TRIM27: variants seen among roughly 807,000 people sequenced by gnomAD.
TRIM27 encodes the protein zinc finger protein RFP.
Under a neutral mutation model 57.6 loss-of-function variants are expected in TRIM27, and 12 were observed. The observed-to-expected ratio is 0.21, with a 90% confidence interval of 0.13 to 0.34. TRIM27 has a LOEUF of 0.34. Among genes scored for constraint, TRIM27 ranks in the 10% least tolerant of loss-of-function variants. TRIM27 has a pLI of 1.00. For missense variants in TRIM27, 403 were observed against 656.8 expected, an observed-to-expected ratio of 0.61 and a Z score of 4.22; for synonymous variants, 266 against 259.0, an observed-to-expected ratio of 1.03 and a Z score of -0.26.
intron 3 of TRIM27, among the ~76,000 whole-genome samples, chr6:28,913,269 A>AATATAT (rs1219781094): frequency 1.5e-5 from 2 of 135,582 alleles, no homozygotes; most frequent in African/African-American, 5.8e-5. Flanking sequence ...AAAAAAAAAA[A>AATATAT]ATATATATAT....
In TRIM27 at chr6:28,904,284, T is replaced by G; in HGVS notation, c.1328A>C (p.Asp443Ala). The G allele has an allele frequency of 6.2e-7, 1 of 1,613,054 alleles. No individual in the cohort carries two copies. Among genetic ancestry groups the G allele is most frequent in the Non-Finnish European group, 8.5e-7 (1 of 1,180,000 alleles). Residue 443 changes from aspartate to alanine, a missense_variant, in exon 8 of 8, where the codon GAT becomes GCT. Physicochemically the swap from Asp to Ala is moderately radical, Grantham distance 126 (BLOSUM62 -2). Transcript: ENST00000377199. This position sits in a 1 kb window ranked among gnomAD's most constrained non-coding sequence, Gnocchi z 6.1. ...GTTGTAGAAGGAGACCTCACCAGCA[T>G]CATAGTCCAAGAAAATCCCCACCCG... Reference protein sequence around the residue: ...LQRVGIFLDYDAGEVSFYNVT... With the variant: ...LQRVGIFLDYAAGEVSFYNVT...
rs1010075911 is a variant in TRIM27, at chr6:28,920,113, T to C, written c.646A>G (p.Asn216Asp). The C allele has an allele frequency of 6.2e-7, 1 of 1,614,208 alleles. No homozygotes were observed. The highest frequency in any genetic ancestry group is 8.5e-7 in the Non-Finnish European group (1 of 1,180,020). ...ELDLAIYNSI[N>D]GAITQFSCNI... ...CAAGAGAACTGGGTGATGGCACCAT[T>C]GATGCTATTGTAGATGGCCAAGTCT... The change falls in exon 3 of 8, where the codon AAT (asparagine) becomes GAT (aspartate). Residue 216 changes from asparagine (N) to aspartate (D), a missense_variant. Physicochemically the swap from Asn to Asp is conservative, Grantham distance 23 (BLOSUM62 1). Coordinates refer to ENST00000377199, the MANE Select transcript of TRIM27 (RefSeq NM_006510.5).
chr6:28,907,147 AAG>A, intron 7 of TRIM27, 87 bp downstream of exon 7: 7 of 1,265,190 alleles, frequency 5.5e-6, no homozygotes, highest in Non-Finnish European at 7.8e-6. Flanking sequence ...ATCCAAATCT[AAG>A]CAATTTCCAA....
At chr6:28,913,733 T>C (rs1045374985) in intron 3 of TRIM27, among the ~76,000 whole-genome samples, 1 of 152,130 alleles carries the variant, frequency 6.6e-6, no homozygotes, top group African/African-American at 2.4e-5. Flanking sequence ...GCAATTTATG[T>C]CTTTTGCAGC....
intron 6 of TRIM27, 74 bp downstream of exon 6, chr6:28,908,734 T>C (rs769561746): frequency 1.0e-5 from 15 of 1,468,388 alleles, no homozygotes; most frequent in Non-Finnish European, 1.4e-5. Flanking sequence ...TATCCCACGT[T>C]TCCCACTTTC....
chr6:28,909,909 G>A (rs982480502), intron 4 of TRIM27, among the ~76,000 whole-genome samples: 2 of 152,082 alleles, frequency 1.3e-5, no homozygotes, highest in Non-Finnish European at 2.9e-5. Flanking sequence ...AGCTAGATGT[G>A]ACCTTGTGAC....
chr6:28,904,677 C>A lies in TRIM27; in HGVS notation c.947-12G>T. On this transcript the variant is annotated splice_polypyrimidine_tract_variant and intron_variant, in intron 7 of 7. Transcript: ENST00000377199. The surrounding 1 kb of genome is among the most constrained non-coding windows in gnomAD (Gnocchi z 6.1). ...CAGAGTCACGTCCACTGTAGAGACACAAGGAAGACAGTCAGCCGTGGGCCA... is the reference window on the plus strand; with the variant it reads ...CAGAGTCACGTCCACTGTAGAGACAAAAGGAAGACAGTCAGCCGTGGGCCA... 1 of 1,584,358 alleles carries A rather than the reference C, an allele frequency of 6.3e-7. No individual in the cohort carries two copies. The highest frequency in any genetic ancestry group is 1.7e-5 in the Admixed American group (1 of 59,160).
chr6:28,911,111 C>T (rs1773173264), intron 4 of TRIM27, among the ~76,000 whole-genome samples: 1 of 152,168 alleles, frequency 6.6e-6, no homozygotes. Flanking sequence ...CCACTTGCCT[C>T]GTCATCCATC....
chr6:28,921,472 A>C (rs1774028260), intron 2 of TRIM27, among the ~76,000 whole-genome samples: 1 of 152,234 alleles, frequency 6.6e-6, no homozygotes, highest in African/African-American at 2.4e-5. Flanking sequence ...GGGCAGAGTA[A>C]AAAATTCAGA....
At chr6:28,910,393 G>T (rs1773114450) in intron 4 of TRIM27, among the ~76,000 whole-genome samples, 1 of 151,932 alleles carries the variant, frequency 6.6e-6, no homozygotes, top group African/African-American at 2.4e-5. Context: ...GCAGTGGCAT[G>T]ATCTCAGCTC....
Position 28,920,034 on chromosome 6 carries a change from T to C in TRIM27, c.725A>G (p.Gln242Arg). Reference protein sequence around the residue: ...LIAQLEEKQQQPTRELLQDIG... With the variant: ...LIAQLEEKQQRPTRELLQDIG... ...TACCTGCAGGAGCTCCCTGGTGGGC[T>C]GCTGCTGCTTCTCTTCTAGCTGAGC... The change falls in exon 3 of 8, where the codon CAG (glutamine) becomes CGG (arginine). Residue 242 changes from glutamine to arginine, a missense_variant. Physicochemically the swap from Gln to Arg is conservative, Grantham distance 43. Coordinates refer to ENST00000377199, the MANE Select transcript of TRIM27 (RefSeq NM_006510.5). 1 of 1,613,346 alleles carries C rather than the reference T, an allele frequency of 6.2e-7. No homozygotes were observed. Among genetic ancestry groups the C allele is most frequent in the African/African-American group, 1.3e-5 (1 of 75,066 alleles).
At position 28,904,287 on chromosome 6, in the gene TRIM27, T is replaced by A. The variant is rs1359396978; in HGVS notation, c.1325A>T (p.Tyr442Phe). The A allele has an allele frequency of 1.9e-6, 3 of 1,612,918 alleles. No homozygotes were observed. Among genetic ancestry groups the A allele is most frequent in the African/African-American group, 1.3e-5 (1 of 74,918 alleles). Residue 442 changes from tyrosine to phenylalanine, a missense_variant, in exon 8 of 8, where the codon TAT becomes TTT. Tyr to Phe is a conservative substitution (Grantham distance 22). Coordinates refer to ENST00000377199, the MANE Select transcript of TRIM27 (RefSeq NM_006510.5). The surrounding 1 kb of genome is among the most constrained non-coding windows in gnomAD (Gnocchi z 6.1). ...PLQRVGIFLD[Y>F]DAGEVSFYNV... ...GTAGAAGGAGACCTCACCAGCATCA[T>A]AGTCCAAGAAAATCCCCACCCGCTG... is the stretch of plus-strand genomic sequence containing the variant.
At chr6:28,922,480 T>C (rs1774121817) in intron 1 of TRIM27, among the ~76,000 whole-genome samples, 1 of 152,230 alleles carries the variant, frequency 6.6e-6, no homozygotes. Context: ...TGTTAAGTGA[T>C]TGCACATGAA....
intron 3 of TRIM27, among the ~76,000 whole-genome samples, chr6:28,911,940 C>T (rs1773238099): frequency 6.6e-6 from 1 of 152,192 alleles, no homozygotes; most frequent in Non-Finnish European, 1.5e-5. Context: ...TACCCTCCTT[C>T]AGTACCCACC....
At chr6:28,906,998 T>C (rs1380721029) in intron 7 of TRIM27, 4 of 525,044 alleles carry the variant, frequency 7.6e-6, no homozygotes, top group Non-Finnish European at 1.3e-5. Context: ...CTATAATCCT[T>C]CTTTAACACC....
At chr6:28,918,550 G>A (rs985576477) in intron 3 of TRIM27, among the ~76,000 whole-genome samples, 1 of 152,124 alleles carries the variant, frequency 6.6e-6, no homozygotes, top group African/African-American at 2.4e-5. Flanking sequence ...AAAAAAGAAA[G>A]AAAGAAATAC....
At chr6:28,921,645 G>A (rs1054662124) in intron 2 of TRIM27, among the ~76,000 whole-genome samples, 1 of 152,138 alleles carries the variant, frequency 6.6e-6, no homozygotes, top group Admixed American at 6.6e-5. Flanking sequence ...CCTGGTCTAC[G>A]CAGTTAGCAG....
In TRIM27 at chr6:28,903,711, G is replaced by A; in HGVS notation, c.*359C>T. The A allele has an allele frequency of 3.2e-6, 1 of 308,314 alleles. No individual in the cohort carries two copies. The highest frequency in any genetic ancestry group is 9.1e-5 in the South Asian group (1 of 11,016). 19.1% of individuals were successfully genotyped at this position (308,314 alleles called of 1,614,324 possible). ...CAAATAGCCATAATCATTATGTGGGGCTGAACCAGAGGAAGCCAGGCTGAG... is the reference window on the plus strand; with the variant it reads ...CAAATAGCCATAATCATTATGTGGGACTGAACCAGAGGAAGCCAGGCTGAG... On this transcript the variant is annotated 3_prime_UTR_variant, in exon 8 of 8. Coordinates refer to ENST00000377199, the MANE Select transcript of TRIM27 (RefSeq NM_006510.5).
In TRIM27 at chr6:28,903,531, G is replaced by A. The variant is rs914791936; in HGVS notation, c.*539C>T. 2 of 234,738 alleles carry A rather than the reference G, an allele frequency of 8.5e-6. No individual in the cohort carries two copies. The highest frequency in any genetic ancestry group is 8.4e-6 in the Non-Finnish European group (1 of 119,232). 14.5% of individuals were successfully genotyped at this position (234,738 alleles called of 1,614,324 possible). On this transcript the variant is annotated 3_prime_UTR_variant, in exon 8 of 8. Coordinates refer to ENST00000377199, the MANE Select transcript of TRIM27 (RefSeq NM_006510.5). ...ACTGTAACTAACCAAAACACATACA[G>A]GCTTCTTTAATGGAGTTAATAAAAC...
Sources: allele counts gnomAD v4.1 joint callset (sites outside exome capture counted in the v4.1 genomes callset), GRCh38; gene constraint gnomAD v4.1.1; non-coding constraint Gnocchi (gnomAD v3.1); transcripts MANE v1.5; gene names NCBI Gene and HGNC (gene_info 2026-07-23, HGNC 2026-07-21).